The following COL13A1 variants were observed in gnomAD, a reference collection of about 807,000 sequenced individuals.
COL13A1 encodes collagen alpha-1(XIII) chain.
A neutral mutation model predicts 130.9 loss-of-function variants in COL13A1; 89 were observed. That is an observed-to-expected ratio of 0.68 (90% CI 0.57 to 0.81). The LOEUF (loss-of-function observed/expected upper bound fraction) is 0.81, where lower values mean the gene tolerates loss of function less well. Among genes scored for constraint, COL13A1 ranks in the 30% least tolerant of loss-of-function variants. The probability of loss-of-function intolerance (pLI) is 0.00; values close to 1 mark genes in which losing one functional copy is unlikely to be tolerated. For missense variants in COL13A1, 879 were observed against 934.6 expected, an observed-to-expected ratio of 0.94 and a Z score of 0.78; for synonymous variants, 402 against 341.6, an observed-to-expected ratio of 1.18 and a Z score of -1.95.
chr10:69,817,708 A>G (rs1183532960), intron 1 of COL13A1, among the ~76,000 whole-genome samples: 2 of 151,880 alleles, frequency 1.3e-5, no homozygotes, highest in Non-Finnish European at 2.9e-5. Flanking sequence ...GGGTGGTGAT[A>G]ATCACTGGCC....
intron 1 of COL13A1, among the ~76,000 whole-genome samples, chr10:69,821,146 T>G (rs1845975619): frequency 6.6e-6 from 1 of 152,214 alleles, no homozygotes; most frequent in South Asian, 2.1e-4. Flanking sequence ...AGCACAGGCT[T>G]CATGTGGCCA....
chr10:69,932,176 T>C lies in COL13A1; in HGVS notation c.1684-384T>C, dbSNP rs35599858. Among the ~76,000 whole-genome samples the C allele has an allele frequency of 7.9e-3, 1,201 of 152,314 alleles. 7 individuals are homozygous for C. The highest frequency in any genetic ancestry group is 0.02 in the South Asian group (96 of 4,830). ...AGCTGTGTGCACGTGTGTTTGTGTG[T>C]TCATGTAACATATTTGTAACATAAT... On this transcript the variant is annotated intron_variant, in intron 30 of 40. Coordinates refer to ENST00000645393, the MANE Select transcript of COL13A1 (RefSeq NM_001368882.1).
At chr10:69,899,982 A>T (rs972908077) in intron 14 of COL13A1, among the ~76,000 whole-genome samples, 1 of 152,188 alleles carries the variant, frequency 6.6e-6, no homozygotes, top group East Asian at 1.9e-4. Flanking sequence ...ACAGCTAAAA[A>T]TACAGAGGGA....
chr10:69,847,290 T>A (rs1213634676), intron 2 of COL13A1, among the ~76,000 whole-genome samples: 2 of 152,222 alleles, frequency 1.3e-5, no homozygotes, highest in Non-Finnish European at 2.9e-5. Context: ...GGCTGGGGTG[T>A]GGACCACTGT....
intron 17 of COL13A1, among the ~76,000 whole-genome samples, chr10:69,907,917 C>T (rs1253537665): frequency 6.6e-6 from 1 of 152,268 alleles, no homozygotes; most frequent in Non-Finnish European, 1.5e-5. Flanking sequence ...GGTCCCACCT[C>T]TCAACACTGT....
rs533990087 is a variant in COL13A1 at position 69,911,277 on chromosome 10, A to G, written c.921+5455A>G. Among the ~76,000 whole-genome samples the G allele has an allele frequency of 3.3e-5, 5 of 152,354 alleles. No individual in the cohort carries two copies. The East Asian group carries it at 9.6e-4, about 29-fold the overall frequency. On this transcript the variant is annotated intron_variant, in intron 17 of 40. Coordinates refer to ENST00000645393, the MANE Select transcript of COL13A1 (RefSeq NM_001368882.1). ...CAGAGCAAGGGCCCGTGTGGTGGAC[A>G]CACTTCTGTAGAATGATAACTCGTG...
chr10:69,842,842 G>T (rs955806785), intron 2 of COL13A1, among the ~76,000 whole-genome samples: 2 of 152,206 alleles, frequency 1.3e-5, no homozygotes, highest in Admixed American at 6.5e-5. Context: ...GCTGGGTTCC[G>T]CTGTGTGAGG....
intron 2 of COL13A1, among the ~76,000 whole-genome samples, chr10:69,845,056 T>C (rs1852629463): frequency 6.6e-6 from 1 of 152,144 alleles, no homozygotes. Context: ...GGATTCTCTA[T>C]CCTATAGAGA....
At chr10:69,815,562 C>T (rs1221129980) in intron 1 of COL13A1, among the ~76,000 whole-genome samples, 1 of 152,174 alleles carries the variant, frequency 6.6e-6, no homozygotes, top group Non-Finnish European at 1.5e-5. Context: ...GGGGGCCAGG[C>T]TGGTGGCCTA....
In COL13A1 at chr10:69,897,476, A is replaced by C. The variant is rs1403606534; in HGVS notation, c.685-1221A>C. 6 of 1,613,688 alleles carry C rather than the reference A, an allele frequency of 3.7e-6. No homozygotes were observed. Among genetic ancestry groups the C allele is most frequent in the Admixed American group, 1.7e-5 (1 of 59,976 alleles). On this transcript the variant is annotated intron_variant, in intron 13 of 40. Transcript: ENST00000645393. ...CACCTCCATCCCCTCCCAAACTAGG[A>C]GTGCCTAAGCAGCATGCCAGCAGCT...
intron 35 of COL13A1, among the ~76,000 whole-genome samples, chr10:69,941,385 G>T (rs575260375): frequency 6.6e-6 from 1 of 152,334 alleles, no homozygotes; most frequent in Non-Finnish European, 1.5e-5. Context: ...ACACACCAGT[G>T]TCTGTGTGTG....
chr10:69,847,250 G>A (rs1285413420), intron 2 of COL13A1, among the ~76,000 whole-genome samples: 1 of 152,190 alleles, frequency 6.6e-6, no homozygotes, highest in African/African-American at 2.4e-5. Context: ...TGATGTGTCT[G>A]TGTATATAAG....
chr10:69,817,972 T>C (rs1455895495), intron 1 of COL13A1, among the ~76,000 whole-genome samples: 1 of 152,148 alleles, frequency 6.6e-6, no homozygotes, highest in East Asian at 1.9e-4. Context: ...CACCCTGAAC[T>C]GACCTGGTTT....
At chr10:69,895,194 T>C (rs1162080308) in intron 12 of COL13A1, among the ~76,000 whole-genome samples, 2 of 152,176 alleles carry the variant, frequency 1.3e-5, no homozygotes, top group East Asian at 3.9e-4. Flanking sequence ...GCTGCTCCCA[T>C]CCGGTGGCTC....
chr10:69,925,259 G>A (rs115339339), intron 25 of COL13A1, among the ~76,000 whole-genome samples: 224 of 152,296 alleles, frequency 1.5e-3, no homozygotes, highest in African/African-American at 5.1e-3. Context: ...AGCAAGTAGC[G>A]GAATAGTTGA....
At chr10:69,919,194 G>A (rs2064311014) in intron 20 of COL13A1, 106 bp downstream of exon 20, 2 of 1,449,400 alleles carry the variant, frequency 1.4e-6, no homozygotes, top group Non-Finnish European at 1.9e-6. Context: ...GGCTGGCCTG[G>A]GACTGGGGAC....
rs1423862179 is a variant in COL13A1 at position 69,901,086 on chromosome 10, C to T, written c.751-1662C>T. ...AGATTTGATGTGGTTGAAAAGGAGG[C>T]TGCACTGGTCCCTTTTTAAGGCCTG... On this transcript the variant is annotated intron_variant, in intron 14 of 40. Coordinates refer to ENST00000645393, the MANE Select transcript of COL13A1 (RefSeq NM_001368882.1). 3.9e-5 allele frequency among the ~76,000 whole-genome samples: 6 copies of T among 152,322 alleles called. No individual in the cohort carries two copies. In the East Asian group the frequency reaches 1.2e-3, roughly 29 times the overall value.
chr10:69,904,633 C>T (rs1291216139), intron 15 of COL13A1, among the ~76,000 whole-genome samples: 2 of 152,178 alleles, frequency 1.3e-5, no homozygotes, highest in Non-Finnish European at 2.9e-5. Flanking sequence ...CTGGACCAAA[C>T]CACACTGTCA....
At chr10:69,920,029 G>A (rs143209783) in intron 21 of COL13A1, among the ~76,000 whole-genome samples, 22 of 152,252 alleles carry the variant, frequency 1.4e-4, no homozygotes, top group Non-Finnish European at 2.2e-4. Flanking sequence ...GCCTGCTTCC[G>A]AAGGATACCC....
Sources: gnomAD v4.1 joint callset for allele counts (sites outside exome capture counted in the v4.1 genomes callset) on GRCh38, gnomAD v4.1.1 for gene constraint, MANE v1.5 for transcripts, NCBI Gene and HGNC (gene_info 2026-07-23, HGNC 2026-07-21) for gene names.